Variants in CHLSN observed in about 807,000 individuals in gnomAD.
CHLSN encodes the protein protein cholesin.
At chr7:1,075,046 A>G in the CHLSN span, among the ~76,000 whole-genome samples, 2 of 152,202 alleles carry the variant, frequency 1.3e-5, no homozygotes, top group Non-Finnish European at 2.9e-5. Flanking sequence ...AGAATGGACC[A>G]AGAACCGAAA....
At chr7:1,047,459 A>G in the CHLSN span, among the ~76,000 whole-genome samples, 48,352 of 152,166 alleles carry the variant, frequency 0.32, 9,770 homozygotes, top group African/African-American at 0.57. Flanking sequence ...CACAGATAGG[A>G]ATCAGTGTGC....
the CHLSN span, among the ~76,000 whole-genome samples, chr7:1,124,563 GGGT>G: frequency 1.1e-4 from 11 of 104,032 alleles, no homozygotes; most frequent in African/African-American, 6.2e-4. Context: ...GGCAGTCGGG[GGGT>G]GGGGGGGGAG....
chr7:1,018,559 C>T, the CHLSN span, among the ~76,000 whole-genome samples: 1 of 152,248 alleles, frequency 6.6e-6, no homozygotes, highest in African/African-American at 2.4e-5. Flanking sequence ...AGGCACCTGG[C>T]GTGGGCTCCA....
chr7:1,055,314 CACGCGCAGG>C, the CHLSN span: 1 of 471,196 alleles, frequency 2.1e-6, no homozygotes, highest in East Asian at 6.9e-5. Context: ...CCCTCACACG[CACGCGCAGG>C]CGGCCAGGCG....
chr7:980,635 C>A, the CHLSN span, among the ~76,000 whole-genome samples: 2 of 151,640 alleles, frequency 1.3e-5, no homozygotes, highest in Non-Finnish European at 2.9e-5. Flanking sequence ...GCAAGCAACA[C>A]GTACAGGCAG....
chr7:1,070,910 ACACACACAG>A, the CHLSN span, among the ~76,000 whole-genome samples: 1 of 115,920 alleles, frequency 8.6e-6, no homozygotes, highest in South Asian at 2.9e-4. Flanking sequence ...ACATGCACGC[ACACACACAG>A]CACGCACAGA....
chr7:1,012,760 G>C, the CHLSN span, among the ~76,000 whole-genome samples: 12 of 152,382 alleles, frequency 7.9e-5, no homozygotes, highest in Non-Finnish European at 1.6e-4. Context: ...TGCGCCCGGA[G>C]AGCCAGGGGC....
chr7:1,103,194 T>G, the CHLSN span, among the ~76,000 whole-genome samples: 1 of 152,198 alleles, frequency 6.6e-6, no homozygotes, highest in East Asian at 1.9e-4. Context: ...GGCGTTTACG[T>G]GGCTATCCAA....
chr7:1,087,023 G>A, the CHLSN span: 43,910 of 152,238 alleles, frequency 0.29, 6,572 homozygotes, highest in South Asian at 0.32. Flanking sequence ...GCCTCGCTCT[G>A]CCCTCATGGG....
chr7:1,040,778 A>G, the CHLSN span, among the ~76,000 whole-genome samples: 1 of 152,252 alleles, frequency 6.6e-6, no homozygotes, highest in Non-Finnish European at 1.5e-5. Context: ...AGAGGATGTA[A>G]GAGATAAGCT....
chr7:1,052,726 C>T, the CHLSN span, among the ~76,000 whole-genome samples: 2 of 152,092 alleles, frequency 1.3e-5, no homozygotes, highest in Non-Finnish European at 1.5e-5. The surrounding 1 kb of genome is among the most constrained non-coding windows in gnomAD (Gnocchi z 4.2). Flanking sequence ...TCACCCCCGC[C>T]ACCGGGCAGG....
chr7:983,854 G>A, the CHLSN span, among the ~76,000 whole-genome samples: 2 of 152,246 alleles, frequency 1.3e-5, no homozygotes, highest in African/African-American at 4.8e-5. Context: ...GGGATGCTGA[G>A]GACAGAGGGT....
chr7:1,028,053 C>T, the CHLSN span, among the ~76,000 whole-genome samples: 1 of 151,972 alleles, frequency 6.6e-6, no homozygotes, highest in Non-Finnish European at 1.5e-5. Flanking sequence ...CCAGGGCCTG[C>T]TCGGGGACCG....
chr7:1,053,572 A>C, the CHLSN span, among the ~76,000 whole-genome samples: 1 of 152,206 alleles, frequency 6.6e-6, no homozygotes, highest in African/African-American at 2.4e-5. Context: ...TCACGTCTGT[A>C]ATCCCAGCAC....
chr7:1,008,770 ACACACG>A, the CHLSN span, among the ~76,000 whole-genome samples: 1 of 151,650 alleles, frequency 6.6e-6, no homozygotes, highest in Non-Finnish European at 1.5e-5. Context: ...GTGCATAAAC[ACACACG>A]CACACACGCA....
chr7:1,052,623 GTC>G, the CHLSN span, among the ~76,000 whole-genome samples: 1 of 152,128 alleles, frequency 6.6e-6, no homozygotes, highest in Non-Finnish European at 1.5e-5. This position sits in a 1 kb window ranked among gnomAD's most constrained non-coding sequence, Gnocchi z 4.2. Flanking sequence ...CAAGCTGGTG[GTC>G]TCTCAGTGCA....
At chr7:1,084,899 C>T in the CHLSN span, among the ~76,000 whole-genome samples, 2 of 152,356 alleles carry the variant, frequency 1.3e-5, no homozygotes, top group East Asian at 3.9e-4. Context: ...TGCTGCCTAC[C>T]ATGGAGGGCA....
chr7:1,073,246 A>G, the CHLSN span, among the ~76,000 whole-genome samples: 1 of 152,282 alleles, frequency 6.6e-6, no homozygotes, highest in South Asian at 2.1e-4. Context: ...GTGAATTTCA[A>G]AATACATACA....
the CHLSN span, among the ~76,000 whole-genome samples, chr7:1,010,310 G>A: frequency 6.6e-6 from 1 of 152,194 alleles, no homozygotes; most frequent in Non-Finnish European, 1.5e-5. Flanking sequence ...CCTGTGCTAC[G>A]ACGAAGAGAC....
Sources: allele counts gnomAD v4.1 joint callset (sites outside exome capture counted in the v4.1 genomes callset), GRCh38; gene constraint gnomAD v4.1.1; non-coding constraint Gnocchi (gnomAD v3.1); transcripts MANE v1.5; gene names NCBI Gene and HGNC (gene_info 2026-07-23, HGNC 2026-07-21).